TP53BP2: variants seen among roughly 807,000 people sequenced by gnomAD.
The protein encoded by TP53BP2 is tumor protein p53 binding protein 2, also known as apoptosis-stimulating of p53 protein 2.
A neutral mutation model predicts 126.2 loss-of-function variants in TP53BP2; 62 were observed. The ratio of observed to expected loss-of-function variants is 0.49; its 90% confidence interval spans 0.40 to 0.61. The LOEUF is 0.61. Among genes scored for constraint, TP53BP2 ranks in the 20% least tolerant of loss-of-function variants. TP53BP2 has a pLI of 0.00. For missense variants in TP53BP2, 1,215 were observed against 1,402.8 expected (o/e 0.87, Z 2.14); for synonymous variants, 485 against 502.9 (o/e 0.96, Z 0.48).
rs757047375 is a variant in TP53BP2 at position 223,814,315 on chromosome 1, G to A, written c.214C>T (p.Leu72Phe). ...TTCCTCTGACTTCCAAATCGTTGAA[G>A]AACATCAAACATTCGCTCATTATCC... ...VADNERMFDV[L>F]QRFGSQRNEV... Residue 72 changes from leucine to phenylalanine, a missense_variant, in exon 3 of 18, where the codon CTT becomes TTT. This residue lies in a region of TP53BP2 where 814 missense variants were observed against 853.0 expected (regional missense o/e 0.95). Transcript: ENST00000343537. The A allele has an allele frequency of 6.2e-6, 10 of 1,613,904 alleles. No homozygotes were observed. Among genetic ancestry groups the A allele is most frequent in the Non-Finnish European group, 7.6e-6 (9 of 1,179,830 alleles).
rs1392770095 is a variant in TP53BP2 at position 223,780,747 on chromosome 1, A to G, written c.*106T>C. 2 of 1,052,244 alleles carry G rather than the reference A, an allele frequency of 1.9e-6. No homozygotes were observed. Among genetic ancestry groups the G allele is most frequent in the Non-Finnish European group, 2.9e-6 (2 of 699,012 alleles). The allele number at this position is 1,052,244 out of a possible 1,614,324, so 65.2% of individuals were successfully genotyped here. Reference sequence around the variant, plus strand: ...AGACATTCTTCATCGCTTTCAAGCTACATTGTCATTAAAATAAGTCTTGTG... The same window carrying G: ...AGACATTCTTCATCGCTTTCAAGCTGCATTGTCATTAAAATAAGTCTTGTG... On this transcript the variant is annotated 3_prime_UTR_variant, in exon 18 of 18. Coordinates refer to ENST00000343537, the MANE Select transcript of TP53BP2 (RefSeq NM_001031685.3).
chr1:223,813,990 T>C (rs1398885620), intron 3 of TP53BP2, among the ~76,000 whole-genome samples: 2 of 152,226 alleles, frequency 1.3e-5, no homozygotes, highest in Middle Eastern at 3.2e-3. Context: ...TGGAAGGACC[T>C]AATCAGGGAC....
intron 1 of TP53BP2, chr1:223,825,995 CAGCACAGG>C (rs1663482616): frequency 6.6e-6 from 1 of 152,406 alleles, no homozygotes; most frequent in Non-Finnish European, 1.5e-5. Context: ...AAAAGACACT[CAGCACAGG>C]AGCCCTCCTC....
chr1:223,836,965 C>T lies in TP53BP2; in HGVS notation c.27+8689G>A, dbSNP rs921927375. On this transcript the variant is annotated intron_variant, in intron 1 of 17. Transcript: ENST00000343537. ...CCCCCCAAACTTTTCAGGAAATTAA[C>T]AAAATTTTTGAAAATTACCTACATA... 2.6e-5 allele frequency among the ~76,000 whole-genome samples: 4 copies of T among 151,982 alleles called. No homozygotes were observed. The South Asian group carries it at 8.3e-4, about 32-fold the overall frequency.
At chr1:223,824,376 C>A (rs1379571313) in intron 1 of TP53BP2, among the ~76,000 whole-genome samples, 1 of 152,140 alleles carries the variant, frequency 6.6e-6, no homozygotes, top group Non-Finnish European at 1.5e-5. Flanking sequence ...ACGAGTTGAC[C>A]CCGCTTCTAC....
rs578014647 is a variant in TP53BP2, at chr1:223,839,920, A to G, written c.27+5734T>C. Among the ~76,000 whole-genome samples the G allele has an allele frequency of 6.7e-4, 102 of 152,170 alleles. 1 individual carries two copies. The highest frequency in any genetic ancestry group is 6.8e-3 in the Middle Eastern group (2 of 294). On this transcript the variant is annotated intron_variant, in intron 1 of 17. Coordinates refer to ENST00000343537, the MANE Select transcript of TP53BP2 (RefSeq NM_001031685.3). ...ACGCCACTGCACTCCAGCCTGGGTG[A>G]TAGAGCAAGACTCTGTCTAAAAAAA...
rs181103980 is a variant in TP53BP2, at chr1:223,785,030, C to G, written c.3164-716G>C. ...ATTAACTACACATTTAAGTTTTGCC[C>G]TTCTTCACTTATACCTTCCTATCCT... is the stretch of plus-strand genomic sequence containing the variant. On this transcript the variant is annotated intron_variant, in intron 16 of 17. Transcript: ENST00000343537. Among the ~76,000 whole-genome samples, 343 of 152,220 alleles carry G rather than the reference C, an allele frequency of 2.3e-3. 2 individuals are homozygous for G. The highest frequency in any genetic ancestry group is 8.0e-3 in the African/African-American group (331 of 41,534).
At chr1:223,798,131 T>C (rs1159049842) in intron 12 of TP53BP2, 84 bp downstream of exon 12, 6 of 1,289,056 alleles carry the variant, frequency 4.7e-6, no homozygotes, top group Non-Finnish European at 6.5e-6. Context: ...AAATAGGGAT[T>C]AGTTATTTTG....
rs1662474627 is a variant in TP53BP2 at position 223,800,009 on chromosome 1, T to C, written c.1375A>G (p.Lys459Glu). 24 of 1,611,840 alleles carry C rather than the reference T, an allele frequency of 1.5e-5. No homozygotes were observed. The East Asian group carries it at 5.4e-4, about 36-fold the overall frequency. Residue 459 changes from lysine to glutamate, a missense_variant, in exon 11 of 18, where the codon AAA (lysine) becomes GAA (glutamate). Physicochemically the swap from Lys to Glu is moderately conservative, Grantham distance 56. Transcript: ENST00000343537. ...TCAAACATTGAGAACGGACGCACTT[T>C]CTTCTCTTTCTCCCTCAGCGGAACC... Reference protein sequence around the residue: ...GEVPLREKEKKVRPFSMFDAV... With the variant: ...GEVPLREKEKEVRPFSMFDAV...
At position 223,780,414 on chromosome 1, in the gene TP53BP2, G is replaced by C. The variant is rs1329923496; in HGVS notation, c.*439C>G. 6.3e-6 allele frequency: 1 copy of C among 159,846 alleles called. No individual in the cohort carries two copies. The allele number at this position is 159,846 out of a possible 1,614,324, so 9.9% of individuals were successfully genotyped here. On this transcript the variant is annotated 3_prime_UTR_variant, in exon 18 of 18. Transcript: ENST00000343537. ...CTTCAGGTGAGCCCCCCAAGGGCCT[G>C]CTGGTGCCGGGGACAATCAGAGACA...
intron 2 of TP53BP2, among the ~76,000 whole-genome samples, chr1:223,819,495 G>A (rs1031836991): frequency 6.6e-6 from 1 of 152,056 alleles, no homozygotes; most frequent in African/African-American, 2.4e-5. Context: ...GACCATCCTG[G>A]CTAACACGGT....
chr1:223,800,951 C>T (rs753710958), intron 9 of TP53BP2, 141 bp from the exon 10 acceptor site: 102 of 583,668 alleles, frequency 1.7e-4, no homozygotes, highest in Non-Finnish European at 2.7e-4. Context: ...TTAGAAAATA[C>T]TGTATTATAT....
At chr1:223,785,604 T>C (rs186189740) in intron 16 of TP53BP2, among the ~76,000 whole-genome samples, 95 of 152,122 alleles carry the variant, frequency 6.2e-4, no homozygotes, top group Non-Finnish European at 1.1e-3. Context: ...CCCAGGCTGG[T>C]ATAGAATTCC....
chr1:223,818,415 A>G (rs1280176830), intron 2 of TP53BP2: 1 of 151,338 alleles, frequency 6.6e-6, no homozygotes, highest in African/African-American at 2.4e-5. Flanking sequence ...GAGGCACGAG[A>G]ATCACTTGAA....
At chr1:223,821,659 C>T (rs1663314832) in intron 1 of TP53BP2, among the ~76,000 whole-genome samples, 1 of 152,192 alleles carries the variant, frequency 6.6e-6, no homozygotes, top group Non-Finnish European at 1.5e-5. Context: ...TTGCCAAATA[C>T]TTATATATGC....
intron 1 of TP53BP2, among the ~76,000 whole-genome samples, chr1:223,833,024 G>C (rs1376923247): frequency 1.3e-5 from 2 of 152,122 alleles, no homozygotes; most frequent in Admixed American, 6.5e-5. Flanking sequence ...CCTCCCTGAC[G>C]ATGGGTCCCA....
intron 5 of TP53BP2, among the ~76,000 whole-genome samples, chr1:223,804,702 T>C (rs1024507239): frequency 6.6e-6 from 1 of 152,192 alleles, no homozygotes; most frequent in Non-Finnish European, 1.5e-5. Context: ...AAGAAACTAT[T>C]TAAATGCACA....
intron 3 of TP53BP2, among the ~76,000 whole-genome samples, chr1:223,812,060 T>C (rs1260844676): frequency 3.5e-5 from 5 of 143,024 alleles, no homozygotes; most frequent in Non-Finnish European, 7.7e-5. Context: ...AATGCCAATA[T>C]AAAACTACAA....
intron 5 of TP53BP2, among the ~76,000 whole-genome samples, chr1:223,804,747 T>G (rs1662658853): frequency 6.6e-6 from 1 of 152,218 alleles, no homozygotes; most frequent in African/African-American, 2.4e-5. Flanking sequence ...AACCCAGCTC[T>G]ACCACTTATT....
Sources: allele counts gnomAD v4.1 joint callset (sites outside exome capture counted in the v4.1 genomes callset), GRCh38; gene constraint gnomAD v4.1.1; regional missense constraint gnomAD v4.1.1; transcripts MANE v1.5; gene names NCBI Gene and HGNC (gene_info 2026-07-23, HGNC 2026-07-21).